The following MASP1 variants were observed in gnomAD, a reference collection of about 807,000 sequenced individuals.
The protein encoded by MASP1 is MBL associated serine protease 1.
In MASP1, 59 loss-of-function variants were observed where a neutral mutation model predicts 77.1. The observed-to-expected ratio is 0.77, with a 90% CI of 0.62 to 0.95. MASP1 has a LOEUF of 0.95. Among genes scored for constraint, MASP1 ranks in the 40% least tolerant of loss-of-function variants. The probability of loss-of-function intolerance (pLI) is 0.00; values close to 1 mark genes in which losing one functional copy is unlikely to be tolerated. For synonymous variants in MASP1, 362 were observed against 354.5 expected, an observed-to-expected ratio of 1.02 and a Z score of -0.24; for missense variants, 885 against 912.9, an observed-to-expected ratio of 0.97 and a Z score of 0.39.
In MASP1 at chr3:187,279,959, G is replaced by T. The variant is rs1410742999; in HGVS notation, c.237+5866C>A. Among the ~76,000 whole-genome samples, 45 of 152,148 alleles carry T rather than the reference G, an allele frequency of 3.0e-4. 1 individual carries two copies. The highest frequency in any genetic ancestry group is 2.9e-3 in the Admixed American group (45 of 15,274). On this transcript the variant is annotated intron_variant, in intron 2 of 10. Coordinates refer to ENST00000296280, the MANE Select transcript of MASP1 (RefSeq NM_139125.4). Reference sequence around the variant, plus strand: ...ACTTTATAGTTCATTTTACTTCGAAGAATTCTTTTTACTGATCTTTGCAGA... The same window carrying T: ...ACTTTATAGTTCATTTTACTTCGAATAATTCTTTTTACTGATCTTTGCAGA...
chr3:187,279,080 A>T (rs2108597858), intron 2 of MASP1, among the ~76,000 whole-genome samples: 1 of 152,352 alleles, frequency 6.6e-6, no homozygotes, highest in South Asian at 2.1e-4. Flanking sequence ...GCTGCTATGA[A>T]TTCTTTAGAC....
At chr3:187,245,917 G>A (rs909673053) in intron 8 of MASP1, among the ~76,000 whole-genome samples, 1 of 152,172 alleles carries the variant, frequency 6.6e-6, no homozygotes, top group African/African-American at 2.4e-5. Flanking sequence ...CTGTACTGGG[G>A]GGCTTTCTAG....
At chr3:187,278,736 G>A (rs1212008627) in intron 2 of MASP1, among the ~76,000 whole-genome samples, 3 of 152,144 alleles carry the variant, frequency 2.0e-5, no homozygotes, top group African/African-American at 7.2e-5. Context: ...AGTTCCTGTG[G>A]AGTTTACCTC....
At position 187,235,840 on chromosome 3, in the gene MASP1, G is replaced by T. The variant is rs1434544655; in HGVS notation, c.2031C>A (p.Arg677=). The T allele has an allele frequency of 4.3e-6, 7 of 1,614,182 alleles. No individual in the cohort carries two copies. In the South Asian group the frequency reaches 6.6e-5, roughly 15 times the overall value. The part of the protein sequence containing the change: ...AFVIFDDLSQ[R]WVVQGLVSWG... ...AGGACACCAGGCCTTGCACCACCCA[G>T]CGCTGGCTCAAGTCATCAAAGATGA... is the stretch of plus-strand genomic sequence containing the variant. The change falls in exon 11 of 11, where the codon CGC becomes CGA. Residue 677 remains arginine, a synonymous_variant. Transcript: ENST00000296280.
chr3:187,240,183 T>C lies in MASP1; in HGVS notation c.1303+1298A>G, dbSNP rs189352666. 5.0e-4 allele frequency among the ~76,000 whole-genome samples: 76 copies of C among 151,728 alleles called. 2 individuals carry two copies. Among genetic ancestry groups the C allele is most frequent in the Non-Finnish European group, 1.0e-3 (68 of 67,890 alleles). Reference sequence around the variant, plus strand: ...GTGTAAATTACCCAGTCTTGGGTTATGTCTTTATCAGCAGTGTGAGAACAG... The same window carrying C: ...GTGTAAATTACCCAGTCTTGGGTTACGTCTTTATCAGCAGTGTGAGAACAG... On this transcript the variant is annotated intron_variant, in intron 10 of 10. Coordinates refer to ENST00000296280, the MANE Select transcript of MASP1 (RefSeq NM_139125.4).
intron 4 of MASP1, among the ~76,000 whole-genome samples, chr3:187,257,518 G>C (rs567546320): frequency 6.6e-6 from 1 of 152,020 alleles, no homozygotes; most frequent in South Asian, 2.1e-4. Context: ...CTGAATAGCT[G>C]GGACGACAGG....
In MASP1 at chr3:187,270,095, A is replaced by T. The variant is rs570977495; in HGVS notation, c.238-7375T>A. Among the ~76,000 whole-genome samples the T allele has an allele frequency of 3.3e-5, 5 of 152,340 alleles. No individual in the cohort carries two copies. The East Asian group carries it at 9.6e-4, about 29-fold the overall frequency. On this transcript the variant is annotated intron_variant, in intron 2 of 10. Transcript: ENST00000296280. The stretch of plus-strand genomic sequence containing the variant: ...ATTTCTGCACACAGATAATTCTGCA[A>T]TGTAACTTCACTGCTCATTGATTGG...
At chr3:187,253,000 T>C (rs1714748710) in intron 6 of MASP1, among the ~76,000 whole-genome samples, 168 bp downstream of exon 6, 1 of 152,166 alleles carries the variant, frequency 6.6e-6, no homozygotes, top group Non-Finnish European at 1.5e-5. Context: ...ATTTTATAGA[T>C]GGAAAACTGA....
In MASP1 at chr3:187,234,201, A is replaced by G. The variant is rs1226991374; in HGVS notation, c.*1483T>C. 4 of 1,287,148 alleles carry G rather than the reference A, an allele frequency of 3.1e-6. No homozygotes were observed. The highest frequency in any genetic ancestry group is 3.0e-6 in the Non-Finnish European group (3 of 988,706). 79.7% of individuals were successfully genotyped at this position (1,287,148 alleles called of 1,614,324 possible). On this transcript the variant is annotated 3_prime_UTR_variant, in exon 11 of 11. Coordinates refer to ENST00000296280, the MANE Select transcript of MASP1 (RefSeq NM_139125.4). Reference sequence around the variant, plus strand: ...AAAGATACAAAATATAACATCATTTACATGTGCCATTCATAGACAAAGGAG... The same window carrying G: ...AAAGATACAAAATATAACATCATTTGCATGTGCCATTCATAGACAAAGGAG...
intron 10 of MASP1, among the ~76,000 whole-genome samples, chr3:187,238,343 C>T (rs1206559943): frequency 6.6e-6 from 1 of 152,192 alleles, no homozygotes; most frequent in African/African-American, 2.4e-5. Flanking sequence ...AGCCAGAACT[C>T]GAACCTATTT....
intron 2 of MASP1, among the ~76,000 whole-genome samples, chr3:187,282,910 G>C (rs1201057777): frequency 6.6e-6 from 1 of 152,224 alleles, no homozygotes; most frequent in African/African-American, 2.4e-5. Flanking sequence ...CAGATGCAAG[G>C]ACTGTAGGGC....
At chr3:187,285,402 A>G (rs1259097495) in intron 2 of MASP1, among the ~76,000 whole-genome samples, 1 of 151,898 alleles carries the variant, frequency 6.6e-6, no homozygotes, top group Non-Finnish European at 1.5e-5. Context: ...CTTCCCAAAT[A>G]CTTGATCTTT....
downstream of MASP1, among the ~76,000 whole-genome samples, chr3:187,232,592 T>C (rs1330103410): frequency 6.6e-6 from 1 of 152,112 alleles, no homozygotes. Flanking sequence ...TCCCTTTTCT[T>C]CAACCCCATG....
chr3:187,217,325 T>C (rs1711830220), exon 16 of MASP1: 1 of 152,216 alleles, frequency 6.6e-6, no homozygotes, highest in South Asian at 2.1e-4. Flanking sequence ...GTTTGTTTTT[T>C]CATACGAGCA....
In MASP1 at chr3:187,234,748, A is replaced by G. The variant is rs1425860083; in HGVS notation, c.*936T>C. On this transcript the variant is annotated 3_prime_UTR_variant, in exon 11 of 11. Transcript: ENST00000296280. Reference sequence around the variant, plus strand: ...TTTTCCTGCCCAAAAGCACAGCAGGACACAGTGTGGGTCTTTTCTTTTTCC... The same window carrying G: ...TTTTCCTGCCCAAAAGCACAGCAGGGCACAGTGTGGGTCTTTTCTTTTTCC... The G allele has an allele frequency of 1.6e-6, 2 of 1,287,134 alleles. No individual in the cohort carries two copies. Among genetic ancestry groups the G allele is most frequent in the Admixed American group, 4.6e-5 (2 of 43,544 alleles). The allele number at this position is 1,287,134 out of a possible 1,614,324, so 79.7% of individuals were successfully genotyped here.
intron 14 of MASP1, chr3:187,221,277 C>A: frequency 1.4e-6 from 1 of 690,084 alleles, no homozygotes; most frequent in East Asian, 2.8e-5. Context: ...CTGCCCCATG[C>A]TACAGGTGAA....
At chr3:187,231,352 G>A (rs762640940), downstream of MASP1, among the ~76,000 whole-genome samples, 24 of 151,990 alleles carry the variant, frequency 1.6e-4, no homozygotes, top group African/African-American at 3.6e-4. Context: ...CCATTTCCCC[G>A]TTTGCCATTC....
exon 12 of MASP1, chr3:187,226,507 G>T: frequency 6.2e-7 from 1 of 1,609,178 alleles, no homozygotes; most frequent in Non-Finnish European, 8.5e-7. Flanking sequence ...CGGCGGTCAC[G>T]ATCCAGCTGG....
chr3:187,226,434 T>C lies in MASP1; in HGVS notation c.1528A>G (p.Ser510Gly), dbSNP rs28945070. The C allele has an allele frequency of 2.1e-3, 3,400 of 1,611,998 alleles. 3 individuals carry two copies. Among genetic ancestry groups the C allele is most frequent in the Middle Eastern group, 3.6e-3 (22 of 6,058 alleles). ...AGGATGATTTTGAAGTCAGAAGGGC[T>C]GAGCAAGTCTGAATCACGTAGGGTC... The change falls in exon 12 of 16, where the codon AGC becomes GGC. Residue 510 changes from serine (S) to glycine (G), a missense_variant. Coordinates refer to the MASP1 transcript ENST00000337774.
Sources: allele counts gnomAD v4.1 joint callset (sites outside exome capture counted in the v4.1 genomes callset), GRCh38; gene constraint gnomAD v4.1.1; transcripts MANE v1.5; gene names NCBI Gene and HGNC (gene_info 2026-07-23, HGNC 2026-07-21).